Variants in GPC5 observed in about 807,000 individuals in gnomAD.
GPC5 encodes the protein glypican 5, also known as glypican-5.
In GPC5, 47 loss-of-function variants were observed where a neutral mutation model predicts 53.9. That is an observed-to-expected ratio of 0.87 (90% CI 0.69 to 1.11). GPC5 has a LOEUF of 1.11. Ranked by LOEUF, GPC5 falls within the 50% of genes most tolerant of loss-of-function variation. The pLI is 0.00. For missense variants in GPC5, 748 were observed against 713.1 expected (o/e 1.05, Z -0.56); for synonymous variants, 286 against 263.3 (o/e 1.09, Z -0.84).
intron 2 of GPC5, among the ~76,000 whole-genome samples, chr13:91,589,362 C>T (rs935031093): frequency 6.6e-6 from 1 of 151,624 alleles, no homozygotes; most frequent in Non-Finnish European, 1.5e-5. Context: ...TCTCTCCCCA[C>T]CACCTGTTTC....
intron 7 of GPC5, among the ~76,000 whole-genome samples, chr13:92,451,948 A>G (rs1394308484): frequency 1.3e-5 from 2 of 152,224 alleles, no homozygotes; most frequent in Non-Finnish European, 2.9e-5. Context: ...AACAAACAAT[A>G]ATACCTCCTA....
intron 7 of GPC5, among the ~76,000 whole-genome samples, chr13:92,167,872 GA>G (rs5805731): frequency 2.3e-4 from 34 of 146,182 alleles, no homozygotes; most frequent in East Asian, 6.0e-4. Flanking sequence ...TTAGGACCAA[GA>G]AAAAAAAAAA....
intron 7 of GPC5, among the ~76,000 whole-genome samples, chr13:92,267,922 C>A (rs2042813619): frequency 6.6e-6 from 1 of 152,048 alleles, no homozygotes; most frequent in South Asian, 2.1e-4. Context: ...TGTTTCTTAA[C>A]ACTCTTCTGA....
chr13:91,424,508 G>C (rs963341803), intron 1 of GPC5, among the ~76,000 whole-genome samples: 1 of 151,910 alleles, frequency 6.6e-6, no homozygotes, highest in Admixed American at 6.6e-5. Flanking sequence ...GGGATTACAG[G>C]CATGTACCAC....
chr13:91,770,884 G>A (rs1385969155), intron 5 of GPC5, among the ~76,000 whole-genome samples: 1 of 151,616 alleles, frequency 6.6e-6, no homozygotes, highest in Non-Finnish European at 1.5e-5. Context: ...TACATGAGAG[G>A]GAGAATAAAA....
chr13:91,650,033 C>CTG (rs1369371238), intron 2 of GPC5, among the ~76,000 whole-genome samples: 1 of 152,030 alleles, frequency 6.6e-6, no homozygotes, highest in Non-Finnish European at 1.5e-5. Context: ...ATTTCACACA[C>CTG]TGTAGTGCAA....
At chr13:92,272,339 A>G (rs7321767) in intron 7 of GPC5, among the ~76,000 whole-genome samples, 17,994 of 152,222 alleles carry the variant, frequency 0.12, 1,340 homozygotes, top group African/African-American at 0.21. Flanking sequence ...AGCCTACTGC[A>G]TTCCTGAGAG....
rs1337504991 is a variant in GPC5 at position 92,445,950 on chromosome 13, A to T, written c.1561+300961A>T. 4.0e-5 allele frequency among the ~76,000 whole-genome samples: 6 copies of T among 151,788 alleles called. No individual in the cohort carries two copies. In the South Asian group the frequency reaches 8.3e-4, roughly 21 times the overall value. On this transcript the variant is annotated intron_variant, in intron 7 of 7. Transcript: ENST00000377067. ...AGGCAGTATCATTGGTCTTTTTTTT[A>T]AATTTTTAATTTTTCTGAGTACATA... is the stretch of plus-strand genomic sequence containing the variant.
chr13:92,683,117 G>A (rs1481351026), intron 7 of GPC5, among the ~76,000 whole-genome samples: 1 of 152,088 alleles, frequency 6.6e-6, no homozygotes, highest in African/African-American at 2.4e-5. Context: ...GGGTTAACTT[G>A]GGGTCTTTAG....
intron 7 of GPC5, among the ~76,000 whole-genome samples, chr13:92,800,716 T>C (rs9584065): frequency 0.29 from 44,445 of 151,624 alleles, 8,255 homozygotes; most frequent in East Asian, 0.67. Context: ...GGGAAGAGTC[T>C]TAAGCAATGA....
At chr13:92,168,102 A>G (rs1283758162) in intron 7 of GPC5, among the ~76,000 whole-genome samples, 1 of 152,130 alleles carries the variant, frequency 6.6e-6, no homozygotes, top group African/African-American at 2.4e-5. Flanking sequence ...GGCCCTGATA[A>G]AAAGCCACAG....
At chr13:92,097,582 A>T (rs1457300548) in intron 6 of GPC5, among the ~76,000 whole-genome samples, 1 of 152,208 alleles carries the variant, frequency 6.6e-6, no homozygotes, top group Non-Finnish European at 1.5e-5. Context: ...AAATAGAGAT[A>T]AGATTATGTA....
intron 7 of GPC5, among the ~76,000 whole-genome samples, chr13:92,700,321 A>G (rs964562951): frequency 2.6e-5 from 3 of 115,420 alleles, no homozygotes; most frequent in African/African-American, 1.0e-4. Context: ...CTTTATTTTG[A>G]GCCTATGTGT....
rs1877403125 is a variant in GPC5 at position 92,438,363 on chromosome 13, AG to A, written c.1561+293375del. 3.0e-5 allele frequency among the ~76,000 whole-genome samples: 4 copies of A among 132,310 alleles called. 1 individual carries two copies. The South Asian group carries it at 1.0e-3, about 34-fold the overall frequency. The allele number at this position is 132,310 out of a possible 152,430, so 86.8% of individuals were successfully genotyped here. On this transcript the variant is annotated intron_variant, in intron 7 of 7. Coordinates refer to ENST00000377067, the MANE Select transcript of GPC5 (RefSeq NM_004466.6). ...GACCTTTTTAAGGTGATAGAGTAGAAGAACGTTTAAAGCAAAATAAATATAT... is the reference window on the plus strand; with the variant it reads ...GACCTTTTTAAGGTGATAGAGTAGAAAACGTTTAAAGCAAAATAAATATAT...
At chr13:92,786,961 CT>C (rs1432102318) in intron 7 of GPC5, among the ~76,000 whole-genome samples, 2 of 152,218 alleles carry the variant, frequency 1.3e-5, no homozygotes. Flanking sequence ...CTGACTAAAA[CT>C]TCACTTCATC....
chr13:92,625,619 C>T (rs1416012311), intron 7 of GPC5, among the ~76,000 whole-genome samples: 1 of 152,176 alleles, frequency 6.6e-6, no homozygotes, highest in Non-Finnish European at 1.5e-5. Context: ...ACTCAACTAA[C>T]GAAGACCTTT....
intron 6 of GPC5, among the ~76,000 whole-genome samples, chr13:92,015,180 C>T (rs1458177014): frequency 6.6e-6 from 1 of 151,964 alleles, no homozygotes; most frequent in African/African-American, 2.4e-5. Context: ...CAGTAGAGGC[C>T]AAGGATATGT....
intron 6 of GPC5, among the ~76,000 whole-genome samples, chr13:91,974,535 T>A (rs1008001991): frequency 6.6e-6 from 1 of 151,902 alleles, no homozygotes; most frequent in South Asian, 2.1e-4. Flanking sequence ...TCAAAGAGAA[T>A]AAAATACCTA....
intron 6 of GPC5, among the ~76,000 whole-genome samples, chr13:91,945,698 G>A (rs2039968323): frequency 1.3e-5 from 2 of 152,076 alleles, no homozygotes; most frequent in Admixed American, 1.3e-4. Flanking sequence ...TTGCTACTGT[G>A]ACAGACTGTT....
Sources: gnomAD v4.1 joint callset for allele counts (sites outside exome capture counted in the v4.1 genomes callset) on GRCh38, gnomAD v4.1.1 for gene constraint, MANE v1.5 for transcripts, NCBI Gene and HGNC (gene_info 2026-07-23, HGNC 2026-07-21) for gene names.